Variants in ZNF468 observed in about 807,000 individuals in gnomAD.
ZNF468 encodes the protein zinc finger protein ZNF468.
ZNF468 carries 8 observed loss-of-function variants against 7.2 expected under a neutral mutation model. The ratio of observed to expected loss-of-function variants is 1.11; its 90% CI spans 0.65 to 2.01. The LOEUF is 2.01. Among genes scored for constraint, ZNF468 ranks in the 30% most tolerant of loss-of-function variants. The pLI is 0.00. For missense variants in ZNF468, 608 were observed against 626.5 expected, an observed-to-expected ratio of 0.97 and a Z score of 0.31; for synonymous variants, 218 against 214.4, an observed-to-expected ratio of 1.02 and a Z score of -0.15.
intron 3 of ZNF468, among the ~76,000 whole-genome samples, 156 bp downstream of exon 3, chr19:52,848,931 G>A (rs1055986668): frequency 1.3e-5 from 2 of 152,050 alleles, no homozygotes; most frequent in East Asian, 3.9e-4. Context: ...TAAACAAAGG[G>A]GACAGTGAAA....
chr19:52,854,143 G>A (rs572001721), intron 2 of ZNF468, 115 bp downstream of exon 2: 2 of 1,597,882 alleles, frequency 1.3e-6, no homozygotes, highest in Admixed American at 1.7e-5. Flanking sequence ...GAAGGCATAA[G>A]TGAGGGTGAG....
At chr19:52,849,775 G>A (rs1453315261) in intron 2 of ZNF468, 1 of 138,574 alleles carries the variant, frequency 7.2e-6, no homozygotes, top group Non-Finnish European at 1.6e-5. Context: ...GTGACGGCAA[G>A]CACCTGTGGT....
At position 52,845,107 on chromosome 19, in the gene ZNF468, C is replaced by T. The variant is rs569193509; in HGVS notation, c.143-2956G>A. The stretch of plus-strand genomic sequence containing the variant: ...CACCAGGTCAGGAGATTGAGACCAT[C>T]CTGGCTAACAAGCTGAAACTCCGTC... On this transcript the variant is annotated intron_variant, in intron 3 of 3. Coordinates refer to ENST00000595646, the MANE Select transcript of ZNF468 (RefSeq NM_001008801.2). The T allele has an allele frequency of 2.6e-5, 4 of 151,098 alleles. No individual in the cohort carries two copies. The East Asian group carries it at 7.9e-4, about 30-fold the overall frequency. The allele number at this position is 151,098 out of a possible 1,614,324, so 9.4% of individuals were successfully genotyped here.
intron 2 of ZNF468, among the ~76,000 whole-genome samples, chr19:52,851,641 A>G (rs1314897234): frequency 6.6e-6 from 1 of 151,142 alleles, no homozygotes; most frequent in Non-Finnish European, 1.5e-5. Context: ...CCTCAGAGGC[A>G]GAGGTCAGGA....
chr19:52,853,611 A>C (rs573984121), intron 2 of ZNF468, among the ~76,000 whole-genome samples: 1 of 152,064 alleles, frequency 6.6e-6, no homozygotes, highest in East Asian at 1.9e-4. Context: ...GAATCACTTG[A>C]ACCCAGGAGG....
intron 3 of ZNF468, chr19:52,845,092 G>A (rs1193009982): frequency 1.3e-5 from 2 of 151,878 alleles, no homozygotes; most frequent in Non-Finnish European, 2.9e-5. Flanking sequence ...CACCAGGTCA[G>A]GAGATTGAGA....
intron 2 of ZNF468, chr19:52,853,802 T>C (rs2063411413): frequency 3.5e-6 from 4 of 1,139,030 alleles, no homozygotes; most frequent in African/African-American, 1.6e-5. Context: ...CTCACTCCAT[T>C]ACCTAAAAAT....
Position 52,840,838 on chromosome 19 carries a change from G to A in ZNF468, c.1456C>T (p.Arg486Cys), listed in dbSNP as rs200059189. 6.7e-5 allele frequency: 107 copies of A among 1,595,174 alleles called. No individual in the cohort carries two copies. Among genetic ancestry groups the A allele is most frequent in the Middle Eastern group, 1.7e-4 (1 of 6,038 alleles). The part of the protein sequence containing the change: ...FGQTSSLIIH[R>C]RLHTGEKPYK... ...GGTTTCTCTCCAGTATGAAGCCTACGATGGATTATAAGCGATGATGTCTGA... is the reference window on the plus strand; with the variant it reads ...GGTTTCTCTCCAGTATGAAGCCTACAATGGATTATAAGCGATGATGTCTGA... Residue 486 changes from arginine to cysteine, a missense_variant, in exon 4 of 4, where the codon CGT (arginine) becomes TGT (cysteine). Coordinates refer to ENST00000595646, the MANE Select transcript of ZNF468 (RefSeq NM_001008801.2).
At position 52,841,264 on chromosome 19, in the gene ZNF468, T is replaced by C; in HGVS notation, c.1030A>G (p.Lys344Glu). 5 of 1,613,560 alleles carry C rather than the reference T, an allele frequency of 3.1e-6. No individual in the cohort carries two copies. The South Asian group carries it at 5.5e-5, about 18-fold the overall frequency. ...TCTCCAGTGTGAAGTATAGTATGTT[T>C]TGCCAGATATGAATTATATGCGAAA... The part of the protein sequence containing the change: ...EAFAYNSYLA[K>E]HTILHTGEKP... The change falls in exon 4 of 4, where the codon AAA becomes GAA. Residue 344 changes from lysine (K) to glutamate (E), a missense_variant. By Grantham distance (56) the Lys-to-Glu change is moderately conservative. Transcript: ENST00000595646.
At chr19:52,855,714 T>G (rs1438493901) in intron 1 of ZNF468, among the ~76,000 whole-genome samples, 1 of 152,102 alleles carries the variant, frequency 6.6e-6, no homozygotes, top group African/African-American at 2.4e-5. Flanking sequence ...TTTGGGGTAC[T>G]GCATCCCACT....
chr19:52,839,853 CCA>C lies in ZNF468; in HGVS notation c.*870_*871del. ...GCATGAACGATGTCTGAAAAATTTG[CCA>C]CATTTATTACACTTGTAAGATCTCT... On this transcript the variant is annotated 3_prime_UTR_variant, in exon 4 of 4. Transcript: ENST00000595646. 1 of 654,738 alleles carries C rather than the reference CCA, an allele frequency of 1.5e-6. No homozygotes were observed. The highest frequency in any genetic ancestry group is 2.6e-6 in the Non-Finnish European group (1 of 387,442). The allele number at this position is 654,738 out of a possible 1,614,324, so 40.6% of individuals were successfully genotyped here.
intron 1 of ZNF468, 29 bp from the exon 2 acceptor site, chr19:52,854,374 C>T: frequency 6.3e-7 from 1 of 1,586,138 alleles, no homozygotes; most frequent in Non-Finnish European, 8.6e-7. Flanking sequence ...TTGTTTATCA[C>T]TCAGAATCAA....
rs553564404 is a variant in ZNF468 at position 52,844,037 on chromosome 19, T to C, written c.143-1886A>G. ...CTTGGGAATCTGAGGCAGGAAACAT[T>C]TGAACCCAGGAGGCGGAGGTTGCAG... On this transcript the variant is annotated intron_variant, in intron 3 of 3. Transcript: ENST00000595646. Among the ~76,000 whole-genome samples, 4 of 152,226 alleles carry C rather than the reference T, an allele frequency of 2.6e-5. No individual in the cohort carries two copies. In the East Asian group the frequency reaches 7.7e-4, roughly 29 times the overall value.
intron 3 of ZNF468, among the ~76,000 whole-genome samples, chr19:52,847,846 A>G (rs893084618): frequency 6.6e-6 from 1 of 152,142 alleles, no homozygotes; most frequent in Non-Finnish European, 1.5e-5. Flanking sequence ...TTGCTAAGAT[A>G]GTAAAAATAA....
intron 3 of ZNF468, chr19:52,846,711 A>G (rs1459585259): frequency 6.6e-6 from 1 of 152,656 alleles, no homozygotes; most frequent in Non-Finnish European, 1.5e-5. Flanking sequence ...TATTTAAAAT[A>G]GTAACAATGG....
intron 3 of ZNF468, among the ~76,000 whole-genome samples, 163 bp from the exon 4 acceptor site, chr19:52,842,314 AG>A (rs1337814289): frequency 3.9e-5 from 6 of 152,164 alleles, no homozygotes; most frequent in Non-Finnish European, 8.8e-5. Context: ...TAATAAATAA[AG>A]GGCGATTACA....
chr19:52,856,725 T>G (rs1287997009), intron 1 of ZNF468, among the ~76,000 whole-genome samples: 1 of 149,202 alleles, frequency 6.7e-6, no homozygotes, highest in Non-Finnish European at 1.5e-5. Context: ...TACATCTAGC[T>G]TTTCTCTACA....
At chr19:52,850,739 A>T (rs2063381381) in intron 2 of ZNF468, among the ~76,000 whole-genome samples, 1 of 151,636 alleles carries the variant, frequency 6.6e-6, no homozygotes, top group Non-Finnish European at 1.5e-5. Context: ...CTCTACTAAA[A>T]ATACAAAAAA....
intron 2 of ZNF468, chr19:52,849,444 A>G (rs71361281): frequency 1.1e-6 from 1 of 897,116 alleles, no homozygotes; most frequent in African/African-American, 1.7e-5. Flanking sequence ...GTGAAAAATA[A>G]CAGAAATAAA....
Sources: gnomAD v4.1 joint callset for allele counts (sites outside exome capture counted in the v4.1 genomes callset) on GRCh38, gnomAD v4.1.1 for gene constraint, MANE v1.5 for transcripts, NCBI Gene and HGNC (gene_info 2026-07-23, HGNC 2026-07-21) for gene names.